Variants in SLC13A5 observed in about 807,000 individuals in gnomAD.
SLC13A5 encodes solute carrier family 13 member 5, also known as Na(+)/citrate cotransporter.
A neutral mutation model predicts 56.5 loss-of-function variants in SLC13A5; 25 were observed. The observed-to-expected ratio is 0.44, with a 90% CI of 0.32 to 0.62. The LOEUF is 0.62. Among genes scored for constraint, SLC13A5 ranks in the 20% least tolerant of loss-of-function variants. The pLI is 0.04. For missense variants in SLC13A5, 649 were observed against 737.8 expected, an observed-to-expected ratio of 0.88 and a Z score of 1.39; for synonymous variants, 307 against 301.5, an observed-to-expected ratio of 1.02 and a Z score of -0.19.
intron 10 of SLC13A5, chr17:6,690,062 A>C (rs1393435846): frequency 3.3e-5 from 1 of 30,338 alleles, no homozygotes; most frequent in East Asian, 5.8e-4. Flanking sequence ...AAGGAAATGC[A>C]AAAAAAAAAA....
chr17:6,700,025 C>A (rs1973667284), intron 6 of SLC13A5, among the ~76,000 whole-genome samples: 1 of 152,178 alleles, frequency 6.6e-6, no homozygotes. Context: ...TGCCTCTGAG[C>A]TCTGCAGTCT....
At position 6,692,904 on chromosome 17, in the gene SLC13A5, A is replaced by T; in HGVS notation, c.1275+140T>A. The stretch of plus-strand genomic sequence containing the variant: ...GTAGAGTTCCTAGATGACAAGACAG[A>T]GTCCATGTCCTCAAGGAATGTGCGG... On this transcript the variant is annotated intron_variant, in intron 9 of 11. Coordinates refer to ENST00000433363, the MANE Select transcript of SLC13A5 (RefSeq NM_177550.5). The surrounding 1 kb of genome is among the most constrained non-coding windows in gnomAD (Gnocchi z 5.5). The T allele has an allele frequency of 1.5e-6, 1 of 687,106 alleles. No homozygotes were observed. Among genetic ancestry groups the T allele is most frequent in the Non-Finnish European group, 2.6e-6 (1 of 380,010 alleles). The allele number at this position is 687,106 out of a possible 1,614,324, so 42.6% of individuals were successfully genotyped here.
Position 6,687,628 on chromosome 17 carries a change from C to A in SLC13A5, c.1476G>T (p.Leu492=). The change falls in exon 11 of 12, where the codon CTG becomes CTT. Residue 492 remains leucine (L), a synonymous_variant. Coordinates refer to ENST00000433363, the MANE Select transcript of SLC13A5 (RefSeq NM_177550.5). The surrounding 1 kb of genome is among the most constrained non-coding windows in gnomAD (Gnocchi z 5.0). The part of the protein sequence containing the change: ...SIGLNPLYIM[L]PCTLSASFAF... The stretch of plus-strand genomic sequence containing the variant: ...CAAAGGAGGCACTCAGGGTACAGGG[C>A]AGCATGATGTACAGCGGATTGAGGC... 6.2e-7 allele frequency: 1 copy of A among 1,612,622 alleles called. No individual in the cohort carries two copies.
chr17:6,711,138 C>T lies in SLC13A5; in HGVS notation c.102+2094G>A, dbSNP rs577821584. 2.0e-5 allele frequency among the ~76,000 whole-genome samples: 3 copies of T among 152,146 alleles called. No individual in the cohort carries two copies. Among genetic ancestry groups the T allele is most frequent in the African/African-American group, 7.2e-5 (3 of 41,514 alleles). ...TCACCTCCTGGCAAGGACTGTGTTG[C>T]TCAGGCTGCCAAGGTCCTCCCAGCT... is the stretch of plus-strand genomic sequence containing the variant. On this transcript the variant is annotated intron_variant, in intron 1 of 11. Transcript: ENST00000433363. The surrounding 1 kb of genome is among the most constrained non-coding windows in gnomAD (Gnocchi z 4.0).
chr17:6,690,990 C>T (rs370978344), intron 9 of SLC13A5, 50 bp from the exon 10 acceptor site: 2 of 1,558,204 alleles, frequency 1.3e-6, no homozygotes, highest in African/African-American at 1.4e-5. Flanking sequence ...GCTTGCAGTT[C>T]CTTCAGGGCC....
At position 6,703,263 on chromosome 17, in the gene SLC13A5, T is replaced by C. The variant is rs2078607212; in HGVS notation, c.548-125A>G. The C allele has an allele frequency of 5.0e-6, 6 of 1,197,856 alleles. No homozygotes were observed. In the South Asian group the frequency reaches 7.2e-5, roughly 14 times the overall value. The allele number at this position is 1,197,856 out of a possible 1,614,324, so 74.2% of individuals were successfully genotyped here. ...AGCTCTGCTGATTTAGCTGCCCCACTGGGCTCCATAAGAGTTGCTGGCAGG... is the reference window on the plus strand; with the variant it reads ...AGCTCTGCTGATTTAGCTGCCCCACCGGGCTCCATAAGAGTTGCTGGCAGG... On this transcript the variant is annotated intron_variant, in intron 4 of 11. Coordinates refer to ENST00000433363, the MANE Select transcript of SLC13A5 (RefSeq NM_177550.5).
intron 3 of SLC13A5, 28 bp downstream of exon 3, chr17:6,706,614 C>A (rs374648773): frequency 1.2e-6 from 2 of 1,609,006 alleles, no homozygotes; most frequent in African/African-American, 1.3e-5. Context: ...TGCAGAGCCA[C>A]GTGGCAAGAG....
rs757966698 is a variant in SLC13A5, at chr17:6,686,039, T to C, written c.*168A>G. Reference sequence around the variant, plus strand: ...CCCTCCAGCTGCCCATGACCATCTCTGCATCTGGGCTTGGAGGAAGAGGTG... The same window carrying C: ...CCCTCCAGCTGCCCATGACCATCTCCGCATCTGGGCTTGGAGGAAGAGGTG... On this transcript the variant is annotated 3_prime_UTR_variant, in exon 12 of 12. Coordinates refer to ENST00000433363, the MANE Select transcript of SLC13A5 (RefSeq NM_177550.5). The C allele has an allele frequency of 5.1e-5, 48 of 935,238 alleles. No homozygotes were observed. The highest frequency in any genetic ancestry group is 3.5e-4 in the Middle Eastern group (1 of 2,852). The allele number at this position is 935,238 out of a possible 1,614,324, so 57.9% of individuals were successfully genotyped here. A position where few individuals can be genotyped will look rare whatever the true frequency, so the allele number is the denominator to read the frequency against.
intron 6 of SLC13A5, among the ~76,000 whole-genome samples, chr17:6,699,374 G>A (rs1304157678): frequency 6.6e-6 from 1 of 152,148 alleles, no homozygotes; most frequent in Admixed American, 6.5e-5. Flanking sequence ...AGTTTCCCCT[G>A]CCCCGTCCAT....
At position 6,703,423 on chromosome 17, in the gene SLC13A5, C is replaced by T. The variant is rs569280636; in HGVS notation, c.548-285G>A. On this transcript the variant is annotated intron_variant, in intron 4 of 11. Coordinates refer to ENST00000433363, the MANE Select transcript of SLC13A5 (RefSeq NM_177550.5). ...AACACGGCAGACGGCAAGGTAGATGCTGACTCGTCTTCCCTGAGCTTCGCA... is the reference window on the plus strand; with the variant it reads ...AACACGGCAGACGGCAAGGTAGATGTTGACTCGTCTTCCCTGAGCTTCGCA... Among the ~76,000 whole-genome samples the T allele has an allele frequency of 1.6e-3, 251 of 152,328 alleles. 1 individual carries two copies. The highest frequency in any genetic ancestry group is 5.6e-3 in the African/African-American group (234 of 41,576).
rs547884921 is a variant in SLC13A5 at position 6,687,894 on chromosome 17, C to T, written c.1438-228G>A. On this transcript the variant is annotated intron_variant, in intron 10 of 11. Transcript: ENST00000433363. The surrounding 1 kb of genome is among the most constrained non-coding windows in gnomAD (Gnocchi z 5.0). ...GAAGGCCTTACCCCCTCAATTCATT[C>T]GACATGTATTTCTTGGGCACCTACT... 19 of 454,992 alleles carry T rather than the reference C, an allele frequency of 4.2e-5. No individual in the cohort carries two copies. The highest frequency in any genetic ancestry group is 1.6e-4 in the African/African-American group (8 of 49,156). The allele number at this position is 454,992 out of a possible 1,614,324, so 28.2% of individuals were successfully genotyped here.
chr17:6,701,664 C>G lies in SLC13A5; in HGVS notation c.717-538G>C, dbSNP rs1011243331. ...GGCAGAGGTTGCAGTGAGCCAACATCGCGCCACTGCACTCCAGCCTGGGCG... is the reference window on the plus strand; with the variant it reads ...GGCAGAGGTTGCAGTGAGCCAACATGGCGCCACTGCACTCCAGCCTGGGCG... On this transcript the variant is annotated intron_variant, in intron 5 of 11. Transcript: ENST00000433363. This position sits in a 1 kb window ranked among gnomAD's most constrained non-coding sequence, Gnocchi z 4.1. 1.3e-5 allele frequency among the ~76,000 whole-genome samples: 2 copies of G among 152,170 alleles called. No individual in the cohort carries two copies. Among genetic ancestry groups the G allele is most frequent in the African/African-American group, 4.8e-5 (2 of 41,444 alleles).
intron 3 of SLC13A5, among the ~76,000 whole-genome samples, chr17:6,705,829 A>G (rs1053140837): frequency 1.3e-5 from 2 of 152,220 alleles, no homozygotes; most frequent in African/African-American, 2.4e-5. Context: ...AAAGGAAGAT[A>G]TGCCCTGAGT....
At chr17:6,693,498 C>T (rs954611665) in intron 8 of SLC13A5, 4 of 184,630 alleles carry the variant, frequency 2.2e-5, no homozygotes, top group African/African-American at 9.4e-5. Context: ...AGAAGTTTAT[C>T]CTAAAGAAAA....
At chr17:6,690,672 G>T in intron 10 of SLC13A5, 107 bp downstream of exon 10, 2 of 1,503,494 alleles carry the variant, frequency 1.3e-6, no homozygotes, top group Non-Finnish European at 1.8e-6. Context: ...GGTCTCCAAA[G>T]CCTGGTCTGA....
intron 6 of SLC13A5, among the ~76,000 whole-genome samples, chr17:6,697,651 A>AG (rs1177874123): frequency 6.6e-5 from 10 of 152,156 alleles, no homozygotes; most frequent in Admixed American, 3.9e-4. Context: ...AGCCAACAAG[A>AG]GGGGAGAGAT....
Position 6,687,504 on chromosome 17 carries a change from G to A in SLC13A5, c.1575+25C>T, listed in dbSNP as rs1297723478. On this transcript the variant is annotated intron_variant, in intron 11 of 11. Coordinates refer to ENST00000433363, the MANE Select transcript of SLC13A5 (RefSeq NM_177550.5). The surrounding 1 kb of genome is among the most constrained non-coding windows in gnomAD (Gnocchi z 5.0). Reference sequence around the variant, plus strand: ...TGACAACAGCGTTATAGTCCGACGGGAGTAAATAAAAACAGCTGTGTTACC... The same window carrying A: ...TGACAACAGCGTTATAGTCCGACGGAAGTAAATAAAAACAGCTGTGTTACC... 7.4e-6 allele frequency: 12 copies of A among 1,613,070 alleles called. No homozygotes were observed. The South Asian group carries it at 1.2e-4, about 16-fold the overall frequency.
chr17:6,696,450 T>C (rs1022988028), intron 6 of SLC13A5, among the ~76,000 whole-genome samples: 9 of 151,998 alleles, frequency 5.9e-5, no homozygotes, highest in African/African-American at 2.2e-4. Context: ...AGGTGCAGGA[T>C]TAGGGATCCA....
chr17:6,703,188 C>G, intron 4 of SLC13A5, 50 bp from the exon 5 acceptor site: 1 of 1,604,282 alleles, frequency 6.2e-7, no homozygotes, highest in African/African-American at 1.3e-5. Context: ...GGGCTGCCCA[C>G]CCAGCCCCAG....
Sources: gnomAD v4.1 joint callset for allele counts (sites outside exome capture counted in the v4.1 genomes callset) on GRCh38, gnomAD v4.1.1 for gene constraint, Gnocchi (gnomAD v3.1) non-coding constraint, MANE v1.5 for transcripts, NCBI Gene and HGNC (gene_info 2026-07-23, HGNC 2026-07-21) for gene names.